Variants in ELK3 observed in about 807,000 individuals in gnomAD.
The protein encoded by ELK3 is ETS domain-containing protein Elk-3.
In ELK3, 10 loss-of-function variants were observed where a neutral mutation model predicts 28.9. The observed-to-expected ratio is 0.35, with a 90% CI of 0.21 to 0.59. ELK3 has a LOEUF of 0.59. ELK3 is among the 20% of genes least tolerant of loss of function. The pLI, the probability that ELK3 is intolerant of heterozygous loss-of-function variation, is 0.82. For synonymous variants in ELK3, 272 were observed against 243.5 expected (o/e 1.12, Z -1.09); for missense variants, 463 against 517.3 (o/e 0.90, Z 1.02).
At chr12:96,227,277 A>G (rs1951709601) in intron 2 of ELK3, among the ~76,000 whole-genome samples, 1 of 151,534 alleles carries the variant, frequency 6.6e-6, no homozygotes, top group African/African-American at 2.4e-5. Context: ...ACTAACATTC[A>G]TCCAGAGCCT....
At chr12:96,210,597 A>ACACCC (rs1416746905) in intron 1 of ELK3, among the ~76,000 whole-genome samples, 1 of 149,068 alleles carries the variant, frequency 6.7e-6, no homozygotes, top group Admixed American at 6.7e-5. Context: ...ACACACACAC[A>ACACCC]CCCCGAGTGG....
Position 96,196,421 on chromosome 12 carries a change from T to TG in ELK3, c.-3+1724dup, listed in dbSNP as rs11331932. Among the ~76,000 whole-genome samples the TG allele has an allele frequency of 3.4e-4, 52 of 151,122 alleles. 1 individual carries two copies. The highest frequency in any genetic ancestry group is 1.1e-3 in the African/African-American group (44 of 41,080). ...CTCCATCTGTGCTTGTCTTTGGGGG[T>TG]GGGGGGGGTGTGGAGCATGTTCCAG... On this transcript the variant is annotated intron_variant, in intron 1 of 4. Coordinates refer to ENST00000228741, the MANE Select transcript of ELK3 (RefSeq NM_005230.4).
At chr12:96,266,178 C>CA (rs1039697365) in intron 4 of ELK3, among the ~76,000 whole-genome samples, 1 of 152,142 alleles carries the variant, frequency 6.6e-6, no homozygotes, top group Non-Finnish European at 1.5e-5. Flanking sequence ...TTGAAAATTG[C>CA]AAAAACATAT....
chr12:96,196,519 C>T (rs547917388), intron 1 of ELK3, among the ~76,000 whole-genome samples: 4 of 152,154 alleles, frequency 2.6e-5, no homozygotes, highest in Middle Eastern at 3.4e-3. Context: ...CTTTCTCTCT[C>T]GCCATGGCAC....
At chr12:96,240,205 A>G (rs956352524) in intron 2 of ELK3, among the ~76,000 whole-genome samples, 1 of 152,208 alleles carries the variant, frequency 6.6e-6, no homozygotes, top group East Asian at 1.9e-4. Flanking sequence ...GCAACTGATC[A>G]TGTTACCCAG....
intron 1 of ELK3, among the ~76,000 whole-genome samples, chr12:96,209,231 T>C (rs1951560122): frequency 6.6e-6 from 1 of 152,224 alleles, no homozygotes; most frequent in Admixed American, 6.5e-5. Flanking sequence ...GATTTTCTTT[T>C]ATTAAACATA....
chr12:96,195,703 A>G (rs867958683), intron 1 of ELK3, among the ~76,000 whole-genome samples: 6 of 152,262 alleles, frequency 3.9e-5, no homozygotes, highest in Middle Eastern at 6.8e-3. Flanking sequence ...GCTTGTCTGG[A>G]AACGGCAAGA....
chr12:96,198,116 C>G (rs1951484399), intron 1 of ELK3: 1 of 152,146 alleles, frequency 6.6e-6, no homozygotes, highest in Non-Finnish European at 1.5e-5. Flanking sequence ...ATGTGACTTC[C>G]TGGAGTAGAG....
At chr12:96,249,359 C>A (rs1951884987) in intron 3 of ELK3, among the ~76,000 whole-genome samples, 1 of 152,204 alleles carries the variant, frequency 6.6e-6, no homozygotes, top group Non-Finnish European at 1.5e-5. Context: ...CAGCTCAAGC[C>A]TGTGAGCTGG....
At chr12:96,197,958 A>G (rs1048151133) in intron 1 of ELK3, 2 of 152,148 alleles carry the variant, frequency 1.3e-5, no homozygotes, top group African/African-American at 2.4e-5. Context: ...TTCCCTTCTT[A>G]GCTGTCAGAT....
intron 1 of ELK3, among the ~76,000 whole-genome samples, chr12:96,205,665 G>A (rs1290612810): frequency 6.6e-6 from 1 of 152,110 alleles, no homozygotes; most frequent in African/African-American, 2.4e-5. Flanking sequence ...TTTTGAAAAA[G>A]CAGTTTAGAA....
At chr12:96,235,129 G>C (rs1951772055) in intron 2 of ELK3, among the ~76,000 whole-genome samples, 1 of 152,004 alleles carries the variant, frequency 6.6e-6, no homozygotes, top group South Asian at 2.1e-4. Context: ...CCAGCTCTCG[G>C]CGGCCTCCAG....
chr12:96,231,504 T>A (rs1403414258), intron 2 of ELK3, among the ~76,000 whole-genome samples: 1 of 152,192 alleles, frequency 6.6e-6, no homozygotes, highest in East Asian at 1.9e-4. Flanking sequence ...ATAAGGCTTT[T>A]TTTTGGAGAC....
At chr12:96,233,358 A>G (rs1799469833) in intron 2 of ELK3, among the ~76,000 whole-genome samples, 1 of 152,134 alleles carries the variant, frequency 6.6e-6, no homozygotes, top group African/African-American at 2.4e-5. Context: ...GGGAGGCTGA[A>G]AGCTCTGCTG....
chr12:96,197,702 A>G (rs1280687308), intron 1 of ELK3, among the ~76,000 whole-genome samples: 1 of 152,206 alleles, frequency 6.6e-6, no homozygotes, highest in African/African-American at 2.4e-5. Context: ...GAATGGCAGT[A>G]GTCCAGATAG....
At chr12:96,251,456 GA>G (rs1449515574) in intron 3 of ELK3, among the ~76,000 whole-genome samples, 15 of 152,178 alleles carry the variant, frequency 9.9e-5, no homozygotes, top group Admixed American at 7.9e-4. Flanking sequence ...GAGAAAGGAA[GA>G]GCTGCGCATC....
chr12:96,194,898 G>GCTCCTGCGCCCGCGTCGCTGCCA (rs1951451466), intron 1 of ELK3, among the ~76,000 whole-genome samples, 193 bp downstream of exon 1: 1 of 146,248 alleles, frequency 6.8e-6, no homozygotes, highest in Non-Finnish European at 1.5e-5. Flanking sequence ...CGCCGCGGAT[G>GCTCCTGCGCCCGCGTCGCTGCCA]CTCCTGCGCC....
chr12:96,247,559 T>C lies in ELK3; in HGVS notation c.827T>C (p.Leu276Pro). Residue 276 changes from leucine to proline, a missense_variant, in exon 3 of 5, where the codon CTG (leucine) becomes CCG (proline). Transcript: ENST00000228741. The surrounding 1 kb of genome is among the most constrained non-coding windows in gnomAD (Gnocchi z 5.5). Reference protein sequence around the residue: ...HDSDSLEPLNLSSGSKTKSPS... With the variant: ...HDSDSLEPLNPSSGSKTKSPS... ...TCCGATTCCCTGGAGCCCTTGAACC[T>C]GTCATCGGGCTCCAAGACCAAGTCT... 1 of 1,614,072 alleles carries C rather than the reference T, an allele frequency of 6.2e-7. No individual in the cohort carries two copies. The highest frequency in any genetic ancestry group is 2.2e-5 in the East Asian group (1 of 44,860).
intron 3 of ELK3, among the ~76,000 whole-genome samples, chr12:96,254,045 G>C (rs1315245526): frequency 6.6e-6 from 1 of 152,240 alleles, no homozygotes; most frequent in Admixed American, 6.5e-5. Flanking sequence ...ACTGCTAGAG[G>C]CTGGGCGCAG....
Sources: allele counts gnomAD v4.1 joint callset (sites outside exome capture counted in the v4.1 genomes callset), GRCh38; gene constraint gnomAD v4.1.1; non-coding constraint Gnocchi (gnomAD v3.1); transcripts MANE v1.5; gene names NCBI Gene and HGNC (gene_info 2026-07-23, HGNC 2026-07-21).